The following RERE variants were observed in gnomAD, a reference collection of about 807,000 sequenced individuals.
RERE encodes the protein arginine-glutamic acid dipeptide repeats, also known as arginine-glutamic acid dipeptide repeats protein.
A neutral mutation model predicts 146.1 loss-of-function variants in RERE; 40 were observed. The observed-to-expected ratio is 0.27, with a 90% confidence interval of 0.21 to 0.36. The LOEUF is 0.36. Ranked by LOEUF, RERE falls within the 10% of genes least tolerant of loss-of-function variation. The pLI is 1.00. For synonymous variants in RERE, 1,003 were observed against 866.0 expected, an observed-to-expected ratio of 1.16 and a Z score of -2.78; for missense variants, 1,933 against 2,138.7, an observed-to-expected ratio of 0.90 and a Z score of 1.90.
chr1:8,440,051 G>A (rs916764431), intron 11 of RERE, among the ~76,000 whole-genome samples: 21 of 152,032 alleles, frequency 1.4e-4, no homozygotes, highest in African/African-American at 4.8e-4. Context: ...TCCAGCCTGG[G>A]CAACAAGAGT....
chr1:8,414,495 G>A (rs1414392058), intron 12 of RERE, among the ~76,000 whole-genome samples: 1 of 152,126 alleles, frequency 6.6e-6, no homozygotes, highest in African/African-American at 2.4e-5. Flanking sequence ...GGTGGAGGTT[G>A]CGGTGAGCTG....
chr1:8,707,219 A>G (rs192964099), intron 1 of RERE, among the ~76,000 whole-genome samples: 11 of 152,360 alleles, frequency 7.2e-5, no homozygotes, highest in South Asian at 2.1e-4. Context: ...AGCACTCTAT[A>G]TTCTACAGGC....
chr1:8,570,670 T>C (rs1422439890), intron 4 of RERE, among the ~76,000 whole-genome samples: 1 of 152,186 alleles, frequency 6.6e-6, no homozygotes, highest in Non-Finnish European at 1.5e-5. Flanking sequence ...TTGGTATCAT[T>C]ATGAAAACAG....
chr1:8,761,884 T>C (rs1640764021), intron 1 of RERE, among the ~76,000 whole-genome samples: 1 of 151,890 alleles, frequency 6.6e-6, no homozygotes, highest in Non-Finnish European at 1.5e-5. Context: ...ATCACGCCAT[T>C]GCACTCCAGA....
rs112206646 is a variant in RERE, at chr1:8,644,778, T to C, written c.325+11195A>G. Among the ~76,000 whole-genome samples, 620 of 152,206 alleles carry C rather than the reference T, an allele frequency of 4.1e-3. 1 individual carries two copies. Among genetic ancestry groups the C allele is most frequent in the Non-Finnish European group, 7.2e-3 (488 of 68,000 alleles). ...CCTGAGGAGCTGGGACTACAGATGC[T>C]CACCACTGTGCCTGACTAGACATAC... is the stretch of plus-strand genomic sequence containing the variant. On this transcript the variant is annotated intron_variant, in intron 2 of 22. Coordinates refer to ENST00000400908, the MANE Select transcript of RERE (RefSeq NM_001042681.2).
At chr1:8,543,719 A>G (rs1386967571) in intron 6 of RERE, among the ~76,000 whole-genome samples, 2 of 152,182 alleles carry the variant, frequency 1.3e-5, no homozygotes, top group Non-Finnish European at 2.9e-5. Context: ...GCACCCATAC[A>G]CATTTCTTCC....
intron 1 of RERE, among the ~76,000 whole-genome samples, chr1:8,792,008 G>A (rs530965015): frequency 1.4e-4 from 22 of 152,022 alleles, no homozygotes; most frequent in Admixed American, 1.4e-3. Flanking sequence ...TGGGAGGATC[G>A]CTTGAGCCCA....
chr1:8,412,423 G>A (rs960387281), intron 12 of RERE, among the ~76,000 whole-genome samples: 1 of 152,172 alleles, frequency 6.6e-6, no homozygotes, highest in East Asian at 1.9e-4. Context: ...ACAGTCATAG[G>A]AAGCTTACAA....
intron 16 of RERE, 85 bp downstream of exon 16, chr1:8,362,598 G>T: frequency 6.5e-7 from 1 of 1,529,890 alleles, no homozygotes; most frequent in South Asian, 1.1e-5. Context: ...CCTCGTGTCT[G>T]AGGGAGCTGA....
chr1:8,683,799 G>A (rs1308277761), intron 1 of RERE, among the ~76,000 whole-genome samples: 4 of 151,934 alleles, frequency 2.6e-5, no homozygotes, highest in African/African-American at 7.3e-5. Context: ...AAAATAAGCC[G>A]GGCAGGGTGG....
chr1:8,478,869 G>T (rs1644794989), intron 10 of RERE, among the ~76,000 whole-genome samples: 1 of 152,140 alleles, frequency 6.6e-6, no homozygotes, highest in Non-Finnish European at 1.5e-5. Flanking sequence ...AGGGGCTAGG[G>T]TAGTGGCTGA....
At chr1:8,596,649 T>C (rs1037927573) in intron 4 of RERE, among the ~76,000 whole-genome samples, 1 of 149,764 alleles carries the variant, frequency 6.7e-6, no homozygotes, top group African/African-American at 2.5e-5. Context: ...GTTGGGACTA[T>C]AGCCACAAGC....
At chr1:8,469,399 A>G (rs1644650315) in intron 10 of RERE, among the ~76,000 whole-genome samples, 2 of 152,170 alleles carry the variant, frequency 1.3e-5, no homozygotes, top group South Asian at 2.1e-4. Flanking sequence ...TTGGTGGATC[A>G]TGAAGTCAGG....
intron 6 of RERE, among the ~76,000 whole-genome samples, chr1:8,547,780 T>C (rs756318273): frequency 3.3e-4 from 50 of 152,324 alleles, no homozygotes; most frequent in Non-Finnish European, 7.1e-4. Flanking sequence ...AATTGGTACA[T>C]GCCAGCTGAA....
At chr1:8,670,019 A>G (rs1638677766) in intron 1 of RERE, among the ~76,000 whole-genome samples, 1 of 152,242 alleles carries the variant, frequency 6.6e-6, no homozygotes, top group Admixed American at 6.5e-5. Context: ...AAACACTTAG[A>G]ATCTCTAAGT....
chr1:8,751,470 G>C (rs561235963), intron 1 of RERE, among the ~76,000 whole-genome samples: 2 of 152,276 alleles, frequency 1.3e-5, no homozygotes, highest in Admixed American at 6.5e-5. Flanking sequence ...GAATTTAAGA[G>C]AAGGGTGGAA....
chr1:8,616,367 T>C (rs958972403), intron 3 of RERE, among the ~76,000 whole-genome samples: 1 of 151,074 alleles, frequency 6.6e-6, no homozygotes, highest in African/African-American at 2.4e-5. Flanking sequence ...GTTTCCCTAA[T>C]TTTTTTTTAG....
chr1:8,721,342 C>G lies in RERE; in HGVS notation c.-144-64901G>C, dbSNP rs780196832. Among the ~76,000 whole-genome samples, 3 of 152,222 alleles carry G rather than the reference C, an allele frequency of 2.0e-5. No individual in the cohort carries two copies. In the East Asian group the frequency reaches 5.8e-4, roughly 29 times the overall value. ...ATTATTATTTTTTTAGAAGGAGTCT[C>G]GCTCTGTTGCCCAGGCTGGAGTGCA... On this transcript the variant is annotated intron_variant, in intron 1 of 22. Coordinates refer to ENST00000400908, the MANE Select transcript of RERE (RefSeq NM_001042681.2).
At position 8,748,477 on chromosome 1, in the gene RERE, T is replaced by C. The variant is rs180805592; in HGVS notation, c.-145+68683A>G. Among the ~76,000 whole-genome samples the C allele has an allele frequency of 3.4e-4, 51 of 152,194 alleles. No individual in the cohort carries two copies. The East Asian group carries it at 7.9e-3, about 24-fold the overall frequency. On this transcript the variant is annotated intron_variant, in intron 1 of 22. Transcript: ENST00000400908. ...TGCATAACCCTCCCCTTCCATCCAT[T>C]CTCCATACTATTATCAGATACTCTC...
Sources: allele counts gnomAD v4.1 joint callset (sites outside exome capture counted in the v4.1 genomes callset), GRCh38; gene constraint gnomAD v4.1.1; transcripts MANE v1.5; gene names NCBI Gene and HGNC (gene_info 2026-07-23, HGNC 2026-07-21).